RHOG: variants seen among roughly 807,000 people sequenced by gnomAD.
RHOG encodes the protein ras homolog family member G.
Under a neutral mutation model 12.3 loss-of-function variants are expected in RHOG, and 1 was observed. The observed-to-expected ratio is 0.08, with a 90% CI of 0.03 to 0.39. The LOEUF is 0.39. Ranked by LOEUF, RHOG falls within the 10% of genes least tolerant of loss-of-function variation. The pLI is 0.99. For synonymous variants in RHOG, 129 were observed against 116.0 expected (o/e 1.11, Z -0.72); for missense variants, 114 against 266.2 (o/e 0.43, Z 3.98).
chr11:3,833,123 A>G (rs2135137367), intron 1 of RHOG, among the ~76,000 whole-genome samples: 1 of 151,820 alleles, frequency 6.6e-6, no homozygotes, highest in Non-Finnish European at 1.5e-5. Context: ...TTTCTTTTGG[A>G]GCAAGGTCTT....
At chr11:3,836,520 G>C (rs1387915529) in intron 1 of RHOG, among the ~76,000 whole-genome samples, 3 of 152,030 alleles carry the variant, frequency 2.0e-5, no homozygotes, top group Non-Finnish European at 4.4e-5. Context: ...AGCTGGGAAG[G>C]CTGGGGGCAG....
chr11:3,829,528 G>C (rs1412871905), intron 1 of RHOG, among the ~76,000 whole-genome samples: 1 of 152,130 alleles, frequency 6.6e-6, no homozygotes, highest in Non-Finnish European at 1.5e-5. Flanking sequence ...TGGGATTACA[G>C]GCGTGAACCA....
In RHOG at chr11:3,827,294, GGGTT is replaced by G. The variant is rs2090084286; in HGVS notation, c.*265_*268del. The G allele has an allele frequency of 2.0e-6, 1 of 512,534 alleles. No homozygotes were observed. The highest frequency in any genetic ancestry group is 1.9e-5 in the African/African-American group (1 of 52,564). The allele number at this position is 512,534 out of a possible 1,614,324, so 31.7% of individuals were successfully genotyped here. ...GTAGCGGAAAATGGGAGGGGGCACT[GGGTT>G]GGCCTCTTGGGGAGGGGTCCAACCT... On this transcript the variant is annotated 3_prime_UTR_variant, in exon 2 of 2. Transcript: ENST00000351018. This position sits in a 1 kb window ranked among gnomAD's most constrained non-coding sequence, Gnocchi z 7.3.
At chr11:3,832,527 T>C (rs1233498909) in intron 1 of RHOG, among the ~76,000 whole-genome samples, 1 of 152,160 alleles carries the variant, frequency 6.6e-6, no homozygotes, top group African/African-American at 2.4e-5. Context: ...AACCTGACCA[T>C]GGGAATGAAT....
intron 1 of RHOG, among the ~76,000 whole-genome samples, chr11:3,831,451 C>T (rs2090128555): frequency 6.6e-6 from 1 of 152,186 alleles, no homozygotes; most frequent in Admixed American, 6.5e-5. Context: ...CGTGTGCATG[C>T]AACGTCAGGA....
intron 1 of RHOG, among the ~76,000 whole-genome samples, chr11:3,828,825 T>C (rs954981145): frequency 6.6e-5 from 10 of 151,694 alleles, no homozygotes; most frequent in African/African-American, 2.4e-4. Context: ...TTTCACCGTG[T>C]TGGCCAGGAT....
At chr11:3,835,991 CTCTT>C (rs2090153378) in intron 1 of RHOG, among the ~76,000 whole-genome samples, 1 of 151,376 alleles carries the variant, frequency 6.6e-6, no homozygotes, top group African/African-American at 2.4e-5. Flanking sequence ...AGGGCTGAGT[CTCTT>C]TCTTCCCTTT....
chr11:3,827,474 A>T lies in RHOG; in HGVS notation c.*89T>A. On this transcript the variant is annotated 3_prime_UTR_variant, in exon 2 of 2. Coordinates refer to ENST00000351018, the MANE Select transcript of RHOG (RefSeq NM_001665.4). The surrounding 1 kb of genome is among the most constrained non-coding windows in gnomAD (Gnocchi z 7.3). The stretch of plus-strand genomic sequence containing the variant: ...CCCCCTGGAAAGGGGTGCCAGAATT[A>T]GTCCTTAAGGCACAGCTGAGGCGGA... 1 of 1,069,550 alleles carries T rather than the reference A, an allele frequency of 9.3e-7. No homozygotes were observed. The highest frequency in any genetic ancestry group is 1.4e-6 in the Non-Finnish European group (1 of 738,878). The allele number at this position is 1,069,550 out of a possible 1,614,324, so 66.3% of individuals were successfully genotyped here.
Position 3,827,186 on chromosome 11 carries a change from T to A in RHOG, c.*377A>T. The A allele has an allele frequency of 4.3e-6, 1 of 233,900 alleles. No homozygotes were observed. The highest frequency in any genetic ancestry group is 8.5e-6 in the Non-Finnish European group (1 of 118,340). The allele number at this position is 233,900 out of a possible 1,614,324, so 14.5% of individuals were successfully genotyped here. ...ATTCCAAGAGCAGCGAGGGCAGAGG[T>A]TAGAGATGGCTGAGAGCCCCTAACC... is the stretch of plus-strand genomic sequence containing the variant. On this transcript the variant is annotated 3_prime_UTR_variant, in exon 2 of 2. Coordinates refer to ENST00000351018, the MANE Select transcript of RHOG (RefSeq NM_001665.4). The surrounding 1 kb of genome is among the most constrained non-coding windows in gnomAD (Gnocchi z 7.3).
intron 1 of RHOG, among the ~76,000 whole-genome samples, chr11:3,833,378 C>T (rs975605760): frequency 1.3e-5 from 2 of 152,322 alleles, no homozygotes; most frequent in Middle Eastern, 3.4e-3. Flanking sequence ...ACTAGCCCTC[C>T]CAAAGTGCTG....
Position 3,827,542 on chromosome 11 carries a change from C to T in RHOG, c.*21G>A, listed in dbSNP as rs779425938. On this transcript the variant is annotated 3_prime_UTR_variant, in exon 2 of 2. Coordinates refer to ENST00000351018, the MANE Select transcript of RHOG (RefSeq NM_001665.4). This position sits in a 1 kb window ranked among gnomAD's most constrained non-coding sequence, Gnocchi z 7.3. ...ACTGGTGGGGGGAGGGCAGGGGCAGCCTCCAAGCCAAGTGCCAGGGTCACA... is the reference window on the plus strand; with the variant it reads ...ACTGGTGGGGGGAGGGCAGGGGCAGTCTCCAAGCCAAGTGCCAGGGTCACA... The T allele has an allele frequency of 1.4e-5, 22 of 1,584,312 alleles. No homozygotes were observed. Among genetic ancestry groups the T allele is most frequent in the Non-Finnish European group, 1.9e-5 (22 of 1,166,518 alleles).
In RHOG at chr11:3,840,427, T is replaced by C. The variant is rs143591964; in HGVS notation, c.-69+467A>G. ...AGCATCCATCTGACAGGGAGAGAGC[T>C]TTCGGAGGCCCCAGACACCGCCCCT... On this transcript the variant is annotated intron_variant, in intron 1 of 1. Transcript: ENST00000351018. The C allele has an allele frequency of 3.9e-5, 6 of 152,244 alleles. No individual in the cohort carries two copies. The East Asian group carries it at 1.2e-3, about 30-fold the overall frequency. The allele number at this position is 152,244 out of a possible 1,614,324, so 9.4% of individuals were successfully genotyped here.
intron 1 of RHOG, among the ~76,000 whole-genome samples, chr11:3,838,452 C>T (rs10835181): frequency 0.24 from 36,844 of 151,882 alleles, 4,714 homozygotes; most frequent in South Asian, 0.39. Flanking sequence ...AACTGGGACT[C>T]CTGGGGTTTT....
intron 1 of RHOG, among the ~76,000 whole-genome samples, chr11:3,828,844 TCTC>T (rs1284575610): frequency 7.2e-5 from 11 of 151,864 alleles, no homozygotes; most frequent in Middle Eastern, 3.4e-3. Context: ...ATGGTCTCGA[TCTC>T]CTGACCTCGT....
At chr11:3,840,845 G>C (rs11030021) in intron 1 of RHOG, 49 bp downstream of exon 1, 10,980 of 152,166 alleles carry the variant, frequency 0.072, 534 homozygotes, top group Middle Eastern at 0.16. Context: ...TGGGCCGGCC[G>C]GGCTCTCCTC....
chr11:3,829,141 G>A (rs1451344789), intron 1 of RHOG, among the ~76,000 whole-genome samples: 1 of 151,990 alleles, frequency 6.6e-6, no homozygotes, highest in South Asian at 2.1e-4. Flanking sequence ...TGGTATCTTG[G>A]CTACTGAGTA....
intron 1 of RHOG, among the ~76,000 whole-genome samples, chr11:3,828,862 C>A (rs934288090): frequency 6.6e-6 from 1 of 151,860 alleles, no homozygotes; most frequent in South Asian, 2.1e-4. Context: ...CCTCGTGATC[C>A]GCCCGCCTTG....
chr11:3,830,700 T>C (rs145661936), intron 1 of RHOG: 66 of 151,600 alleles, frequency 4.4e-4, no homozygotes, highest in African/African-American at 1.4e-3. Context: ...GTATAGAAGA[T>C]GTCCAGCATG....
intron 1 of RHOG, among the ~76,000 whole-genome samples, chr11:3,828,890 G>A (rs1362846871): frequency 2.0e-5 from 3 of 151,772 alleles, no homozygotes; most frequent in Middle Eastern, 3.2e-3. Flanking sequence ...AAAGTGCTGG[G>A]ATTACAGGCG....
Sources: gnomAD v4.1 joint callset for allele counts (sites outside exome capture counted in the v4.1 genomes callset) on GRCh38, gnomAD v4.1.1 for gene constraint, Gnocchi (gnomAD v3.1) non-coding constraint, MANE v1.5 for transcripts, NCBI Gene and HGNC (gene_info 2026-07-23, HGNC 2026-07-21) for gene names.